Variants in DNM3 observed in about 807,000 individuals in gnomAD.
DNM3 encodes dynamin 3, also known as dynamin-3.
A neutral mutation model predicts 101.6 loss-of-function variants in DNM3; 47 were observed. That is an observed-to-expected ratio of 0.46 (90% CI 0.37 to 0.59). The LOEUF is 0.59. Among genes scored for constraint, DNM3 ranks in the 20% least tolerant of loss-of-function variants. DNM3 has a pLI of 0.00. For synonymous variants in DNM3, 385 were observed against 387.9 expected (o/e 0.99, Z 0.09); for missense variants, 849 against 1,085.7 (o/e 0.78, Z 3.06).
At chr1:172,031,005 G>A (rs570587832) in intron 4 of DNM3, among the ~76,000 whole-genome samples, 6 of 152,196 alleles carry the variant, frequency 3.9e-5, no homozygotes, top group East Asian at 3.9e-4. Context: ...AATCCCTCAA[G>A]GATCTAGAAC....
chr1:172,203,683 A>G (rs1160958125), intron 14 of DNM3, among the ~76,000 whole-genome samples: 2 of 150,302 alleles, frequency 1.3e-5, no homozygotes, highest in Non-Finnish European at 3.0e-5. Context: ...ATTTATTTAC[A>G]AGAAAATTAC....
At chr1:172,024,472 T>C (rs1334576594) in intron 4 of DNM3, among the ~76,000 whole-genome samples, 1 of 152,238 alleles carries the variant, frequency 6.6e-6, no homozygotes, top group Non-Finnish European at 1.5e-5. Context: ...TAATTCAGTA[T>C]GTACTAATTC....
intron 1 of DNM3, among the ~76,000 whole-genome samples, chr1:171,893,386 C>T (rs1465051480): frequency 2.0e-5 from 3 of 151,352 alleles, no homozygotes; most frequent in Non-Finnish European, 4.4e-5. Context: ...TAGTACAATG[C>T]ATTGTCAAAA....
intron 4 of DNM3, among the ~76,000 whole-genome samples, chr1:172,020,261 G>T (rs549710354): frequency 6.6e-6 from 1 of 152,110 alleles, no homozygotes; most frequent in African/African-American, 2.4e-5. Flanking sequence ...AGGTGGGACC[G>T]GATGGCTACA....
chr1:172,206,053 A>G (rs1345958070), intron 14 of DNM3, among the ~76,000 whole-genome samples: 4 of 152,146 alleles, frequency 2.6e-5, no homozygotes, highest in Admixed American at 2.0e-4. Flanking sequence ...TTATACATCA[A>G]AAAATTACAT....
At chr1:172,103,249 T>TA (rs1035124159) in intron 13 of DNM3, among the ~76,000 whole-genome samples, 2 of 152,042 alleles carry the variant, frequency 1.3e-5, no homozygotes, top group African/African-American at 4.8e-5. Flanking sequence ...AAAATAAAAA[T>TA]AGACAAATAT....
chr1:171,888,413 CTG>C (rs1212900364), intron 1 of DNM3, among the ~76,000 whole-genome samples: 1 of 152,112 alleles, frequency 6.6e-6, no homozygotes, highest in Non-Finnish European at 1.5e-5. Context: ...GATTATAAAA[CTG>C]GCATAGATTT....
At chr1:172,350,982 C>T (rs1300883127) in intron 17 of DNM3, among the ~76,000 whole-genome samples, 1 of 152,132 alleles carries the variant, frequency 6.6e-6, no homozygotes, top group African/African-American at 2.4e-5. Flanking sequence ...TCATTTGCAT[C>T]CACTGACATC....
intron 17 of DNM3, among the ~76,000 whole-genome samples, chr1:172,372,309 C>T (rs2068379031): frequency 6.6e-6 from 1 of 151,624 alleles, no homozygotes; most frequent in Admixed American, 6.6e-5. Context: ...GGTAATCCTC[C>T]TACAGATGGT....
At chr1:172,133,055 C>T (rs1039314255) in intron 14 of DNM3, 6 of 1,464,872 alleles carry the variant, frequency 4.1e-6, no homozygotes, top group African/African-American at 1.4e-5. Context: ...CAACCTCATC[C>T]CACAGAGGAC....
In DNM3 at chr1:172,181,375, T is replaced by TACACACACACAC. The variant is rs55756017; in HGVS notation, c.1659+50115_1659+50126dup. On this transcript the variant is annotated intron_variant, in intron 14 of 20. Coordinates refer to ENST00000627582, the MANE Select transcript of DNM3 (RefSeq NM_015569.5). ...TCTTATGCTTTAAAACACTTGAGTT[T>TACACACACACAC]ACACACACACACACACACACACACA... 3.4e-3 allele frequency among the ~76,000 whole-genome samples: 508 copies of TACACACACACAC among 147,706 alleles called. 2 individuals are homozygous for TACACACACACAC. The highest frequency in any genetic ancestry group is 7.3e-3 in the African/African-American group (296 of 40,632).
intron 14 of DNM3, among the ~76,000 whole-genome samples, chr1:172,227,279 T>TATATATATATATATATATATATATATAG (rs2061164333): frequency 1.3e-5 from 1 of 76,464 alleles, no homozygotes; most frequent in Non-Finnish European, 2.7e-5. Flanking sequence ...GTGATATATA[T>TATATATATATATATATATATATATATAG]ATATATATAT....
intron 13 of DNM3, among the ~76,000 whole-genome samples, chr1:172,108,277 C>G (rs2055214352): frequency 6.6e-6 from 1 of 152,090 alleles, no homozygotes; most frequent in Admixed American, 6.5e-5. Flanking sequence ...TCCCCCACCC[C>G]CTAGTGAAGT....
chr1:172,314,692 G>A (rs1474579299), intron 16 of DNM3, among the ~76,000 whole-genome samples: 5 of 151,712 alleles, frequency 3.3e-5, no homozygotes, highest in African/African-American at 7.2e-5. Context: ...AGGGAGGGGC[G>A]CCCGCCATTG....
chr1:172,194,112 T>G (rs2059851282), intron 14 of DNM3, among the ~76,000 whole-genome samples: 1 of 152,216 alleles, frequency 6.6e-6, no homozygotes, highest in African/African-American at 2.4e-5. Context: ...CTTCATTTCA[T>G]TATGTACCTG....
intron 1 of DNM3, among the ~76,000 whole-genome samples, chr1:171,908,512 T>C (rs1571551197): frequency 6.6e-6 from 1 of 152,126 alleles, no homozygotes; most frequent in African/African-American, 2.4e-5. Flanking sequence ...CTATCTTTTT[T>C]CCCCCCTAAT....
intron 13 of DNM3, among the ~76,000 whole-genome samples, chr1:172,097,249 A>C (rs1455487001): frequency 2.0e-5 from 3 of 151,954 alleles, no homozygotes; most frequent in Admixed American, 2.0e-4. Context: ...AAAATACAAA[A>C]ATTAGCCAGG....
At chr1:171,948,864 C>G (rs2042328432) in intron 2 of DNM3, among the ~76,000 whole-genome samples, 1 of 152,116 alleles carries the variant, frequency 6.6e-6, no homozygotes, top group Non-Finnish European at 1.5e-5. Context: ...TATTCAGGCA[C>G]TCAAGAGTTC....
chr1:172,251,607 A>G (rs967200449), intron 14 of DNM3, among the ~76,000 whole-genome samples: 1 of 152,130 alleles, frequency 6.6e-6, no homozygotes, highest in Non-Finnish European at 1.5e-5. Context: ...CATGTTTAAT[A>G]TCTGGCATAA....
Sources: gnomAD v4.1 joint callset for allele counts (sites outside exome capture counted in the v4.1 genomes callset) on GRCh38, gnomAD v4.1.1 for gene constraint, MANE v1.5 for transcripts, NCBI Gene and HGNC (gene_info 2026-07-23, HGNC 2026-07-21) for gene names.